The following AMZ1 variants were observed in gnomAD, a reference collection of about 807,000 sequenced individuals.
AMZ1 encodes archaelysin family metallopeptidase 1, also known as archaemetzincin-1.
AMZ1 carries 39 observed loss-of-function variants against 29.9 expected under a neutral mutation model. That is an observed-to-expected ratio of 1.30 (90% CI 1.01 to 1.70). AMZ1 has a LOEUF of 1.70. Ranked by LOEUF, AMZ1 falls within the 40% of genes most tolerant of loss-of-function variation. AMZ1 has a pLI of 0.00. For synonymous variants in AMZ1, 458 were observed against 304.0 expected, an observed-to-expected ratio of 1.51 and a Z score of -5.27; for missense variants, 1,041 against 680.6, an observed-to-expected ratio of 1.53 and a Z score of -5.89.
chr7:2,698,839 AAAAG>A (rs764485626), intron 1 of AMZ1, among the ~76,000 whole-genome samples: 2 of 152,124 alleles, frequency 1.3e-5, no homozygotes, highest in Non-Finnish European at 2.9e-5. Flanking sequence ...CTATCTCTAA[AAAAG>A]AAATCAGGGT....
At chr7:2,708,347 C>T (rs1788496005) in intron 3 of AMZ1, among the ~76,000 whole-genome samples, 2 of 152,212 alleles carry the variant, frequency 1.3e-5, no homozygotes, top group Non-Finnish European at 2.9e-5. Context: ...TCCAGCGTCC[C>T]CACTGGGCTG....
intron 6 of AMZ1, among the ~76,000 whole-genome samples, chr7:2,710,829 G>C (rs1788726966): frequency 6.6e-6 from 1 of 152,232 alleles, no homozygotes; most frequent in African/African-American, 2.4e-5. Flanking sequence ...GGTACAGGTG[G>C]CGTGATGGCT....
chr7:2,722,167 C>T (rs536639550), downstream of AMZ1, among the ~76,000 whole-genome samples: 64 of 152,286 alleles, frequency 4.2e-4, no homozygotes, highest in Admixed American at 3.3e-3. Context: ...GTTCAGGACA[C>T]GGTGGCCATG....
At chr7:2,763,564 T>C (rs915057887), upstream of AMZ1, among the ~76,000 whole-genome samples, 8 of 152,358 alleles carry the variant, frequency 5.3e-5, no homozygotes, top group African/African-American at 1.7e-4. Flanking sequence ...GGTCCTGTAA[T>C]CTAAGGCTAG....
intron 4 of AMZ1, among the ~76,000 whole-genome samples, chr7:2,751,860 A>G (rs908998479): frequency 1.3e-5 from 2 of 152,164 alleles, no homozygotes; most frequent in African/African-American, 4.8e-5. Context: ...GATTTGTTCT[A>G]AAACAACAAC....
intron 1 of AMZ1, among the ~76,000 whole-genome samples, chr7:2,695,860 A>G (rs1381395529): frequency 1.3e-5 from 2 of 151,924 alleles, no homozygotes; most frequent in Non-Finnish European, 2.9e-5. Flanking sequence ...AAAATACAAA[A>G]TTAGCCGGGC....
At chr7:2,756,552 C>G (rs1345876758) in intron 4 of AMZ1, among the ~76,000 whole-genome samples, 2 of 152,086 alleles carry the variant, frequency 1.3e-5, no homozygotes, top group East Asian at 3.9e-4. Flanking sequence ...GAGGTCGAGG[C>G]TGCAGTGAGC....
intron 4 of AMZ1, among the ~76,000 whole-genome samples, chr7:2,759,361 T>C (rs139235813): frequency 0.015 from 2,241 of 152,220 alleles, 42 homozygotes; most frequent in Admixed American, 0.043. Context: ...CCTGCACTGT[T>C]CTAAGGGCCT....
chr7:2,716,874 GGGACTGGGAA>G lies in AMZ1; in HGVS notation c.*3999_*4008del, dbSNP rs1208014750. Among the ~76,000 whole-genome samples, 49 of 152,378 alleles carry G rather than the reference GGGACTGGGAA, an allele frequency of 3.2e-4. No homozygotes were observed. Among genetic ancestry groups the G allele is most frequent in the African/African-American group, 1.1e-3 (45 of 41,602 alleles). On this transcript the variant is annotated 3_prime_UTR_variant, in exon 7 of 7. Transcript: ENST00000683327. ...ACCATATGGCTGTGGCTGTCGAGAT[GGGACTGGGAA>G]GGGCTGGAGCCTCAGAAACGGCAGA...
At chr7:2,689,142 C>G (rs527538666) in intron 1 of AMZ1, among the ~76,000 whole-genome samples, 1 of 152,230 alleles carries the variant, frequency 6.6e-6, no homozygotes, top group Non-Finnish European at 1.5e-5. Flanking sequence ...TGAAGGTCTC[C>G]GCTGTCAGCT....
downstream of AMZ1, among the ~76,000 whole-genome samples, chr7:2,723,555 G>A (rs1789505195): frequency 6.6e-6 from 1 of 152,236 alleles, no homozygotes; most frequent in African/African-American, 2.4e-5. Flanking sequence ...GGAGCCAGCT[G>A]TCGGACTGAG....
chr7:2,739,662 T>C (rs1211756370), intron 4 of AMZ1, among the ~76,000 whole-genome samples: 1 of 152,144 alleles, frequency 6.6e-6, no homozygotes, highest in African/African-American at 2.4e-5. Flanking sequence ...AGTGAAACTG[T>C]AGCATCCTAT....
intron 1 of AMZ1, among the ~76,000 whole-genome samples, chr7:2,690,789 T>G (rs1325385621): frequency 6.6e-6 from 1 of 152,070 alleles, no homozygotes; most frequent in Admixed American, 6.6e-5. Context: ...GTTGGCAGTT[T>G]GGGCCCAAGT....
intron 4 of AMZ1, among the ~76,000 whole-genome samples, chr7:2,737,684 G>A (rs1790277902): frequency 6.6e-6 from 1 of 152,172 alleles, no homozygotes; most frequent in African/African-American, 2.4e-5. Context: ...TTAATGGTGA[G>A]CTAGAGGATT....
chr7:2,756,281 A>G (rs1048844658), intron 4 of AMZ1, among the ~76,000 whole-genome samples: 61 of 152,200 alleles, frequency 4.0e-4, no homozygotes, highest in African/African-American at 1.4e-3. Context: ...GGAGGATCAG[A>G]AAATCAAAAA....
At chr7:2,707,798 C>A (rs559147708) in intron 3 of AMZ1, among the ~76,000 whole-genome samples, 1 of 150,956 alleles carries the variant, frequency 6.6e-6, no homozygotes, top group African/African-American at 2.4e-5. Context: ...ACCCAGACCC[C>A]CTGCTGCCTC....
intron 1 of AMZ1, among the ~76,000 whole-genome samples, chr7:2,694,968 C>T (rs557585478): frequency 4.0e-4 from 61 of 152,254 alleles, no homozygotes; most frequent in Admixed American, 9.2e-4. Context: ...CCATCGCGTC[C>T]GGCCTATTAT....
At chr7:2,701,581 C>T (rs763304581) in intron 2 of AMZ1, among the ~76,000 whole-genome samples, 38 of 152,260 alleles carry the variant, frequency 2.5e-4, no homozygotes, top group Non-Finnish European at 1.6e-4. Context: ...GCGGGGAGCG[C>T]GAGGGGCAGG....
intron 4 of AMZ1, among the ~76,000 whole-genome samples, chr7:2,727,920 G>A (rs1390708245): frequency 6.6e-6 from 1 of 151,514 alleles, no homozygotes; most frequent in African/African-American, 2.4e-5. Context: ...AGCTGGGTGT[G>A]GTGGCGGGCG....
Sources: allele counts gnomAD v4.1 joint callset (sites outside exome capture counted in the v4.1 genomes callset), GRCh38; gene constraint gnomAD v4.1.1; transcripts MANE v1.5; gene names NCBI Gene and HGNC (gene_info 2026-07-23, HGNC 2026-07-21).